Variants in NUDT6 observed in about 807,000 individuals in gnomAD.
NUDT6 encodes nudix hydrolase 6.
A neutral mutation model predicts 36.8 loss-of-function variants in NUDT6; 24 were observed. That is an observed-to-expected ratio of 0.65 (90% confidence interval 0.47 to 0.92). The LOEUF (loss-of-function observed/expected upper bound fraction) is 0.92. Among genes scored for constraint, NUDT6 ranks in the 40% least tolerant of loss-of-function variants. NUDT6 has a pLI of 0.00. For missense variants in NUDT6, 388 were observed against 392.8 expected (o/e 0.99, Z 0.10); for synonymous variants, 163 against 157.0 (o/e 1.04, Z -0.29).
At chr4:122,896,437 A>G (rs113212565) in intron 4 of NUDT6, 23 of 152,246 alleles carry the variant, frequency 1.5e-4, no homozygotes, top group Admixed American at 1.5e-3. Flanking sequence ...TTTTTGCCCA[A>G]TATAGATTGG....
intron 1 of NUDT6, chr4:122,918,844 TA>T (rs1727905765): frequency 6.6e-6 from 1 of 152,212 alleles, no homozygotes; most frequent in African/African-American, 2.4e-5. Flanking sequence ...TGAGGTAAAG[TA>T]CATAAAGTGA....
chr4:122,912,725 TTG>T, intron 2 of NUDT6, 102 bp from the exon 3 acceptor site: 1 of 730,484 alleles, frequency 1.4e-6, no homozygotes. Flanking sequence ...CTACCCATAC[TTG>T]AAGCCTTGGT....
chr4:122,922,778 C>G (rs1271728184), upstream of NUDT6: 3 of 583,588 alleles, frequency 5.1e-6, no homozygotes, highest in Non-Finnish European at 9.0e-6. Context: ...GCGGGGAAAA[C>G]CTCCTCCCCC....
In NUDT6 at chr4:122,893,122, C is replaced by G. The variant is rs369473521; in HGVS notation, c.657G>C (p.Gly219=). 1.2e-6 allele frequency: 2 copies of G among 1,614,150 alleles called. No homozygotes were observed. Among genetic ancestry groups the G allele is most frequent in the Non-Finnish European group, 1.7e-6 (2 of 1,180,026 alleles). ...GGCAGATGATATACATATCTGACTT[C>G]CCAAAAGCTCCAGGATTTGTGTGCT... ...RQQHTNPGAF[G]KSDMYIICRL... The change falls in exon 5 of 5, where the codon GGG becomes GGC. Residue 219 remains glycine (G), a synonymous_variant. Transcript: ENST00000304430.
intron 3 of NUDT6, among the ~76,000 whole-genome samples, chr4:122,909,473 G>A (rs1320404093): frequency 6.6e-6 from 1 of 152,076 alleles, no homozygotes; most frequent in Non-Finnish European, 1.5e-5. Flanking sequence ...TACTGACAGA[G>A]CAAAACATGA....
chr4:122,921,633 A>G (rs1728013046), intron 1 of NUDT6: 1 of 150,912 alleles, frequency 6.6e-6, no homozygotes, highest in African/African-American at 2.5e-5. Context: ...CTGTACATTT[A>G]AAAATAACTA....
chr4:122,912,896 C>T (rs56037335), intron 2 of NUDT6, among the ~76,000 whole-genome samples: 3,296 of 152,288 alleles, frequency 0.022, 62 homozygotes, highest in Non-Finnish European at 0.036. Flanking sequence ...ACACCTTATA[C>T]TCATAGCCTG....
intron 4 of NUDT6, chr4:122,894,738 A>T (rs1361100929): frequency 1.3e-5 from 2 of 152,206 alleles, no homozygotes; most frequent in Admixed American, 6.5e-5. Context: ...TTTATTCATT[A>T]TGCTTTGAAA....
intron 3 of NUDT6, among the ~76,000 whole-genome samples, chr4:122,902,616 T>C (rs571671613): frequency 1.3e-5 from 2 of 152,360 alleles, no homozygotes; most frequent in African/African-American, 4.8e-5. Flanking sequence ...GATGTGTACC[T>C]AGTGCTTAGA....
intron 3 of NUDT6, among the ~76,000 whole-genome samples, chr4:122,905,657 C>T (rs749093558): frequency 1.3e-5 from 2 of 152,172 alleles, no homozygotes; most frequent in East Asian, 1.9e-4. Flanking sequence ...ACTAGGACTT[C>T]GAGAGGTCAT....
intron 3 of NUDT6, among the ~76,000 whole-genome samples, chr4:122,909,777 G>C (rs1401842178): frequency 6.6e-6 from 1 of 152,180 alleles, no homozygotes; most frequent in Non-Finnish European, 1.5e-5. Flanking sequence ...TCAAATGACT[G>C]TAAAGGCCAT....
chr4:122,909,661 A>G (rs1458303144), intron 3 of NUDT6, among the ~76,000 whole-genome samples: 2 of 146,580 alleles, frequency 1.4e-5, no homozygotes, highest in African/African-American at 2.8e-5. Context: ...AAGGTTTTTA[A>G]TTCTCTTTAG....
At chr4:122,916,101 A>G (rs544739697) in intron 2 of NUDT6, among the ~76,000 whole-genome samples, 15 of 152,344 alleles carry the variant, frequency 9.8e-5, no homozygotes, top group Admixed American at 5.2e-4. Context: ...AAAGGGTAGT[A>G]CTGAGACCAC....
chr4:122,916,403 A>G (rs1578499778), intron 2 of NUDT6, among the ~76,000 whole-genome samples: 1 of 152,224 alleles, frequency 6.6e-6, no homozygotes, highest in Admixed American at 6.5e-5. Flanking sequence ...TAATGTAAAT[A>G]TTATTAAGAA....
intron 2 of NUDT6, among the ~76,000 whole-genome samples, chr4:122,913,609 T>C (rs1727773338): frequency 6.6e-6 from 1 of 152,244 alleles, no homozygotes. Context: ...AATATTCATT[T>C]CAAGACCTTT....
chr4:122,892,814 AT>A lies in NUDT6; in HGVS notation c.*13del. The A allele has an allele frequency of 6.4e-7, 1 of 1,573,238 alleles. No homozygotes were observed. Among genetic ancestry groups the A allele is most frequent in the East Asian group, 2.2e-5 (1 of 44,734 alleles). The stretch of plus-strand genomic sequence containing the variant: ...TTCGTTAGTCTACATGTTTCTAAAC[AT>A]ATAAATGTGAATTTAATCAATTCCT... On this transcript the variant is annotated 3_prime_UTR_variant, in exon 5 of 5. Transcript: ENST00000304430.
At chr4:122,922,186 T>G (rs1728051605) in intron 1 of NUDT6, 149 bp downstream of exon 1, 3 of 597,340 alleles carry the variant, frequency 5.0e-6, no homozygotes, top group African/African-American at 1.9e-5. Flanking sequence ...GCACGAATGC[T>G]CCAGAAAACA....
intron 3 of NUDT6, among the ~76,000 whole-genome samples, chr4:122,904,280 T>C (rs1727576899): frequency 6.6e-6 from 1 of 152,188 alleles, no homozygotes; most frequent in African/African-American, 2.4e-5. Flanking sequence ...CTGTATCCCC[T>C]TTTATTAAGA....
At chr4:122,903,988 C>A (rs1276493130) in intron 3 of NUDT6, among the ~76,000 whole-genome samples, 2 of 152,180 alleles carry the variant, frequency 1.3e-5, no homozygotes, top group Admixed American at 6.5e-5. Context: ...AAGGGACCCA[C>A]AACCCACCAG....
Sources: gnomAD v4.1 joint callset for allele counts (sites outside exome capture counted in the v4.1 genomes callset) on GRCh38, gnomAD v4.1.1 for gene constraint, MANE v1.5 for transcripts, NCBI Gene and HGNC (gene_info 2026-07-23, HGNC 2026-07-21) for gene names.